The following MVB12B variants were observed in gnomAD, a reference collection of about 807,000 sequenced individuals.
MVB12B encodes the protein ESCRT-I complex subunit MVB12B.
Under a neutral mutation model 41.6 loss-of-function variants are expected in MVB12B, and 16 were observed. The observed-to-expected ratio is 0.38, with a 90% confidence interval of 0.26 to 0.58. The LOEUF is 0.58. Ranked by LOEUF, MVB12B falls within the 20% of genes least tolerant of loss-of-function variation. The probability of loss-of-function intolerance (pLI) is 0.62; values close to 1 mark genes in which losing one functional copy is unlikely to be tolerated. For synonymous variants in MVB12B, 133 were observed against 139.7 expected, an observed-to-expected ratio of 0.95 and a Z score of 0.34; for missense variants, 274 against 380.2, an observed-to-expected ratio of 0.72 and a Z score of 2.32.
intron 6 of MVB12B, among the ~76,000 whole-genome samples, chr9:126,404,348 C>G (rs544349544): frequency 1.3e-5 from 2 of 152,344 alleles, no homozygotes; most frequent in South Asian, 4.1e-4. Flanking sequence ...GGTTAAATCC[C>G]TTGCCCAAGG....
intron 9 of MVB12B, among the ~76,000 whole-genome samples, chr9:126,497,511 T>A (rs745433577): frequency 1.8e-4 from 27 of 151,962 alleles, no homozygotes; most frequent in Non-Finnish European, 3.8e-4. Flanking sequence ...GGCAAGGAGG[T>A]TCTGTCCTGC....
intron 2 of MVB12B, among the ~76,000 whole-genome samples, chr9:126,364,586 G>T (rs1334021649): frequency 6.6e-6 from 1 of 152,182 alleles, no homozygotes. Context: ...CCTAGCTAAG[G>T]CAAACATGGT....
chr9:126,330,619 G>A (rs753591879), intron 1 of MVB12B, among the ~76,000 whole-genome samples: 1 of 152,184 alleles, frequency 6.6e-6, no homozygotes, highest in Non-Finnish European at 1.5e-5. Flanking sequence ...TTAAATACAC[G>A]TAACATAAAA....
chr9:126,401,907 G>A (rs1000578064), intron 6 of MVB12B, among the ~76,000 whole-genome samples: 1 of 152,226 alleles, frequency 6.6e-6, no homozygotes, highest in African/African-American at 2.4e-5. Flanking sequence ...GCTGCCTTCT[G>A]TCCGTTTTCA....
rs945238339 is a variant in MVB12B at position 126,435,945 on chromosome 9, A to C, written c.757+13997A>C. Reference sequence around the variant, plus strand: ...AGGCTACATTTTTTAAAAAGAGATCATACCTTTTCTTTGGATTTAATGAGG... The same window carrying C: ...AGGCTACATTTTTTAAAAAGAGATCCTACCTTTTCTTTGGATTTAATGAGG... On this transcript the variant is annotated intron_variant, in intron 7 of 9. Coordinates refer to ENST00000361171, the MANE Select transcript of MVB12B (RefSeq NM_033446.3). Among the ~76,000 whole-genome samples the C allele has an allele frequency of 2.6e-5, 4 of 152,374 alleles. No individual in the cohort carries two copies. The East Asian group carries it at 5.8e-4, about 22-fold the overall frequency.
chr9:126,395,905 T>A lies in MVB12B; in HGVS notation c.662+208T>A. On this transcript the variant is annotated intron_variant, in intron 6 of 9. Transcript: ENST00000361171. This position sits in a 1 kb window ranked among gnomAD's most constrained non-coding sequence, Gnocchi z 4.9. ...GCAAAGGCCATTCTATAGTCTATTT[T>A]GTGCGTGTTCTGCAGGCTTCTAAAA... 1 of 1,384,368 alleles carries A rather than the reference T, an allele frequency of 7.2e-7. No homozygotes were observed. Among genetic ancestry groups the A allele is most frequent in the South Asian group, 1.7e-5 (1 of 59,132 alleles). 85.8% of individuals were successfully genotyped at this position (1,384,368 alleles called of 1,614,324 possible). A position where few individuals can be genotyped will look rare whatever the true frequency, so the allele number is the denominator to read the frequency against.
At chr9:126,338,343 G>A (rs1829344746) in intron 1 of MVB12B, among the ~76,000 whole-genome samples, 2 of 152,354 alleles carry the variant, frequency 1.3e-5, no homozygotes, top group East Asian at 1.9e-4. Flanking sequence ...CATTGTGGGA[G>A]CAGCATGGCT....
chr9:126,330,650 T>C (rs1829104974), intron 1 of MVB12B, among the ~76,000 whole-genome samples: 1 of 152,172 alleles, frequency 6.6e-6, no homozygotes, highest in Non-Finnish European at 1.5e-5. Flanking sequence ...TACTCATCTT[T>C]AAGTGCACAG....
At chr9:126,446,903 A>C (rs116258114) in intron 7 of MVB12B, among the ~76,000 whole-genome samples, 44 of 146,722 alleles carry the variant, frequency 3.0e-4, no homozygotes, top group African/African-American at 9.7e-4. Flanking sequence ...CTATTTAATA[A>C]ATTTTTATCT....
chr9:126,379,913 C>T (rs1830588221), intron 2 of MVB12B, among the ~76,000 whole-genome samples: 3 of 152,162 alleles, frequency 2.0e-5, no homozygotes, highest in Non-Finnish European at 2.9e-5. Flanking sequence ...AATCAGGGCA[C>T]TTTTGTGTGA....
intron 6 of MVB12B, among the ~76,000 whole-genome samples, chr9:126,409,480 T>TG (rs372716929): frequency 3.2e-3 from 100 of 30,850 alleles, no homozygotes; most frequent in Middle Eastern, 0.016. Flanking sequence ...GAGAATTAAA[T>TG]TGGGGGGGGA....
At chr9:126,454,410 A>AT in intron 7 of MVB12B, among the ~76,000 whole-genome samples, 1 of 152,272 alleles carries the variant, frequency 6.6e-6, no homozygotes, top group African/African-American at 2.4e-5. Context: ...GGCAGAATTG[A>AT]TTTTTTTGTT....
intron 1 of MVB12B, among the ~76,000 whole-genome samples, chr9:126,331,670 A>T (rs1452564619): frequency 6.6e-6 from 1 of 152,194 alleles, no homozygotes; most frequent in Non-Finnish European, 1.5e-5. Context: ...TTTTATAGGG[A>T]TGGAAACTCA....
At chr9:126,337,100 T>C (rs555537253) in intron 1 of MVB12B, among the ~76,000 whole-genome samples, 46 of 152,344 alleles carry the variant, frequency 3.0e-4, no homozygotes, top group Non-Finnish European at 4.6e-4. Flanking sequence ...TGGGTCAGCT[T>C]TGGGGGTTCC....
Position 126,496,664 on chromosome 9 carries a change from C to T in MVB12B, c.874-6513C>T, listed in dbSNP as rs566570217. On this transcript the variant is annotated intron_variant, in intron 9 of 9. Coordinates refer to ENST00000361171, the MANE Select transcript of MVB12B (RefSeq NM_033446.3). ...CTTAAGGACACGTAGGACTTTGCCA[C>T]TTGAGGGAGGAGGAGTGTTCCTGAC... 1.2e-4 allele frequency among the ~76,000 whole-genome samples: 18 copies of T among 152,134 alleles called. No individual in the cohort carries two copies. The East Asian group carries it at 3.1e-3, about 26-fold the overall frequency.
At chr9:126,492,017 G>A (rs528075982) in intron 9 of MVB12B, among the ~76,000 whole-genome samples, 189 of 151,724 alleles carry the variant, frequency 1.2e-3, no homozygotes, top group Non-Finnish European at 1.7e-3. Flanking sequence ...TAAATATTTA[G>A]TGTTTCCTGA....
chr9:126,392,332 T>C lies in MVB12B; in HGVS notation c.539+137T>C. 1.0e-6 allele frequency: 1 copy of C among 1,003,010 alleles called. No individual in the cohort carries two copies. Among genetic ancestry groups the C allele is most frequent in the Non-Finnish European group, 1.5e-6 (1 of 677,470 alleles). 62.1% of individuals were successfully genotyped at this position (1,003,010 alleles called of 1,614,324 possible). A position where few individuals can be genotyped will look rare whatever the true frequency, so the allele number is the denominator to read the frequency against. On this transcript the variant is annotated intron_variant, in intron 5 of 9. Transcript: ENST00000361171. This position sits in a 1 kb window ranked among gnomAD's most constrained non-coding sequence, Gnocchi z 4.8. ...TGGGCCTCTGTCAGCCCAGTGCTCC[T>C]CGCTGCCCTTCCTGCTCAGCTGCGG...
intron 9 of MVB12B, among the ~76,000 whole-genome samples, chr9:126,488,046 T>G (rs1159349329): frequency 6.6e-6 from 1 of 152,156 alleles, no homozygotes; most frequent in African/African-American, 2.4e-5. Context: ...TGGCAAAGGC[T>G]TTTCTCCGTA....
At chr9:126,330,058 A>G (rs1829086146) in intron 1 of MVB12B, among the ~76,000 whole-genome samples, 1 of 152,030 alleles carries the variant, frequency 6.6e-6, no homozygotes, top group Non-Finnish European at 1.5e-5. Flanking sequence ...CTGGGAGGCA[A>G]AGCCACTGCA....
Sources: gnomAD v4.1 joint callset for allele counts (sites outside exome capture counted in the v4.1 genomes callset) on GRCh38, gnomAD v4.1.1 for gene constraint, Gnocchi (gnomAD v3.1) non-coding constraint, MANE v1.5 for transcripts, NCBI Gene and HGNC (gene_info 2026-07-23, HGNC 2026-07-21) for gene names.